FAF1: variants seen among roughly 807,000 people sequenced by gnomAD.
FAF1 encodes the protein Fas associated factor 1.
A neutral mutation model predicts 92.5 loss-of-function variants in FAF1; 25 were observed. The ratio of observed to expected loss-of-function variants is 0.27; its 90% CI spans 0.20 to 0.38. The LOEUF (loss-of-function observed/expected upper bound fraction) is 0.38, where lower values mean the gene tolerates loss of function less well. Ranked by LOEUF, FAF1 falls within the 10% of genes least tolerant of loss-of-function variation. The pLI, the probability that FAF1 is intolerant of heterozygous loss-of-function variation, is 1.00. For synonymous variants in FAF1, 234 were observed against 273.2 expected, an observed-to-expected ratio of 0.86 and a Z score of 1.42; for missense variants, 636 against 793.3, an observed-to-expected ratio of 0.80 and a Z score of 2.38.
At chr1:50,911,346 A>G (rs1644883956) in intron 1 of FAF1, among the ~76,000 whole-genome samples, 1 of 150,204 alleles carries the variant, frequency 6.7e-6, no homozygotes, top group Non-Finnish European at 1.5e-5. Context: ...TACTGGGATT[A>G]CAGGTGTGAG....
At chr1:50,942,861 C>T (rs1384550732) in intron 1 of FAF1, among the ~76,000 whole-genome samples, 2 of 151,822 alleles carry the variant, frequency 1.3e-5, no homozygotes, top group African/African-American at 4.8e-5. Flanking sequence ...GGGAGAGGAA[C>T]CCTGTGCTTA....
chr1:50,527,733 T>G (rs1219041144), intron 15 of FAF1, among the ~76,000 whole-genome samples: 1 of 152,016 alleles, frequency 6.6e-6, no homozygotes, highest in Non-Finnish European at 1.5e-5. Flanking sequence ...ACTCTTCCAT[T>G]GACCACCCCA....
intron 4 of FAF1, chr1:50,780,820 G>T: frequency 2.4e-6 from 1 of 415,914 alleles, no homozygotes; most frequent in South Asian, 1.9e-5. Context: ...GCCACCTTTG[G>T]GTTTATCCTG....
At chr1:50,458,116 G>A (rs980298787) in intron 18 of FAF1, among the ~76,000 whole-genome samples, 5 of 152,040 alleles carry the variant, frequency 3.3e-5, no homozygotes, top group Non-Finnish European at 7.4e-5. Context: ...GGGAGACTGC[G>A]GCAGGAGAAT....
intron 1 of FAF1, among the ~76,000 whole-genome samples, chr1:50,885,349 T>C (rs1481665182): frequency 3.7e-5 from 5 of 134,408 alleles, no homozygotes; most frequent in Non-Finnish European, 6.5e-5. Flanking sequence ...CTCTCAATAT[T>C]TGCTTTACAT....
intron 12 of FAF1, 188 bp downstream of exon 12, chr1:50,582,430 T>C (rs116119980): frequency 0.013 from 6,332 of 503,326 alleles, 92 homozygotes; most frequent in Non-Finnish European, 0.014. Context: ...CACATAATAC[T>C]AAAATTGGAC....
At chr1:50,948,755 A>C (rs1186826444) in intron 1 of FAF1, among the ~76,000 whole-genome samples, 1 of 151,948 alleles carries the variant, frequency 6.6e-6, no homozygotes, top group East Asian at 1.9e-4. Flanking sequence ...TAAACTCCTG[A>C]CCTCAAGTGA....
At chr1:50,941,063 A>C (rs1376019421) in intron 1 of FAF1, among the ~76,000 whole-genome samples, 1 of 148,666 alleles carries the variant, frequency 6.7e-6, no homozygotes, top group Non-Finnish European at 1.5e-5. Context: ...ACACAGTCTC[A>C]CTCTGTCACT....
At chr1:50,536,379 GAA>G (rs1322817499) in intron 14 of FAF1, among the ~76,000 whole-genome samples, 3 of 152,160 alleles carry the variant, frequency 2.0e-5, no homozygotes, top group Non-Finnish European at 4.4e-5. Context: ...CCTACAGGCA[GAA>G]AGAGTTAGGT....
rs183648100 is a variant in FAF1, at chr1:50,686,772, T to C, written c.657+19014A>G. Among the ~76,000 whole-genome samples the C allele has an allele frequency of 5.1e-3, 780 of 152,230 alleles. 4 individuals carry two copies. Among genetic ancestry groups the C allele is most frequent in the Non-Finnish European group, 8.3e-3 (562 of 68,000 alleles). ...AGAGAGGAAAAACACCTAGGCAATA[T>C]GACAAAAAGAGTTCTTTAAACTCTT... is the stretch of plus-strand genomic sequence containing the variant. On this transcript the variant is annotated intron_variant, in intron 7 of 18. Coordinates refer to ENST00000396153, the MANE Select transcript of FAF1 (RefSeq NM_007051.3).
chr1:50,437,367 A>C lies in FAF1; in HGVS notation c.*4073T>G, dbSNP rs1299030137. On this transcript the variant is annotated 3_prime_UTR_variant, in exon 19 of 19. Coordinates refer to ENST00000396153, the MANE Select transcript of FAF1 (RefSeq NM_007051.3). The stretch of plus-strand genomic sequence containing the variant: ...ATACAGATTCCCTTTCCAGGAAAAT[A>C]CATGTTTAACCTTTCTTTTTTTTTT... 1 of 151,524 alleles carries C rather than the reference A, an allele frequency of 6.6e-6. No individual in the cohort carries two copies. The highest frequency in any genetic ancestry group is 1.5e-5 in the Non-Finnish European group (1 of 67,950). The allele number at this position is 151,524 out of a possible 1,614,324, so 9.4% of individuals were successfully genotyped here.
chr1:50,632,226 T>C (rs1340530056), intron 8 of FAF1, among the ~76,000 whole-genome samples: 1 of 152,210 alleles, frequency 6.6e-6, no homozygotes, highest in Non-Finnish European at 1.5e-5. Context: ...TATTTGTCAC[T>C]AGTCTGAAGG....
intron 15 of FAF1, among the ~76,000 whole-genome samples, chr1:50,514,030 G>T (rs1424816875): frequency 2.6e-5 from 4 of 152,210 alleles, no homozygotes; most frequent in East Asian, 1.9e-4. Flanking sequence ...TCCTGGGTGT[G>T]TAAGGAATAA....
intron 15 of FAF1, among the ~76,000 whole-genome samples, chr1:50,527,811 G>GTCTC (rs9326017): frequency 0.35 from 26,973 of 77,976 alleles, 7,019 homozygotes; most frequent in East Asian, 0.73. Flanking sequence ...TTACTCTGCT[G>GTCTC]TCTCTCTCTC....
chr1:50,633,656 A>G (rs1186093313), intron 8 of FAF1, among the ~76,000 whole-genome samples: 1 of 152,218 alleles, frequency 6.6e-6, no homozygotes. Context: ...TATGAATTTC[A>G]GAATCCCATA....
chr1:50,581,380 G>C (rs1432695768), intron 12 of FAF1, among the ~76,000 whole-genome samples: 1 of 151,988 alleles, frequency 6.6e-6, no homozygotes, highest in Non-Finnish European at 1.5e-5. Flanking sequence ...AATCTCAGAG[G>C]CATCCTTGCA....
chr1:50,643,533 T>C (rs1293701734), intron 8 of FAF1, among the ~76,000 whole-genome samples: 1 of 152,202 alleles, frequency 6.6e-6, no homozygotes, highest in Non-Finnish European at 1.5e-5. Context: ...CAGTAAAATT[T>C]GTACTTCAGA....
In FAF1 at chr1:50,584,664, C is replaced by T. The variant is rs183436561; in HGVS notation, c.967+21G>A. 2.6e-4 allele frequency: 423 copies of T among 1,608,280 alleles called. 1 individual carries two copies. In the Middle Eastern group the frequency reaches 3.1e-3, roughly 12 times the overall value. Reference sequence around the variant, plus strand: ...GAAGAAAGAATTCTATTGCTGGACCCAAAGAGCTATTAATACTCACTCATT... The same window carrying T: ...GAAGAAAGAATTCTATTGCTGGACCTAAAGAGCTATTAATACTCACTCATT... On this transcript the variant is annotated intron_variant, in intron 10 of 18. Coordinates refer to ENST00000396153, the MANE Select transcript of FAF1 (RefSeq NM_007051.3).
chr1:50,534,214 C>T (rs1007288449), intron 15 of FAF1, among the ~76,000 whole-genome samples: 6 of 152,140 alleles, frequency 3.9e-5, no homozygotes, highest in Admixed American at 3.3e-4. Context: ...CCATACAGCA[C>T]CCTCTCCTAG....
Sources: allele counts gnomAD v4.1 joint callset (sites outside exome capture counted in the v4.1 genomes callset), GRCh38; gene constraint gnomAD v4.1.1; transcripts MANE v1.5; gene names NCBI Gene and HGNC (gene_info 2026-07-23, HGNC 2026-07-21).